The following SBSN variants were observed in gnomAD, a reference collection of about 807,000 sequenced individuals.
The protein encoded by SBSN is HLAR698.
A neutral mutation model predicts 42.8 loss-of-function variants in SBSN; 33 were observed. The observed-to-expected ratio is 0.77, with a 90% CI of 0.58 to 1.03. The LOEUF (loss-of-function observed/expected upper bound fraction) is 1.03. Ranked by LOEUF, SBSN falls within the 50% of genes least tolerant of loss-of-function variation. The probability of loss-of-function intolerance (pLI) is 0.00; values close to 1 mark genes in which losing one functional copy is unlikely to be tolerated. For missense variants in SBSN, 646 were observed against 757.3 expected (o/e 0.85, Z 1.72); for synonymous variants, 276 against 307.0 (o/e 0.90, Z 1.06).
intron 3 of SBSN, among the ~76,000 whole-genome samples, chr19:35,523,961 T>A (rs1212639030): frequency 6.6e-6 from 1 of 152,160 alleles, no homozygotes; most frequent in Non-Finnish European, 1.5e-5. Flanking sequence ...AGGGGATCAC[T>A]TGAGATCAGG....
intron 1 of SBSN, 39 bp downstream of exon 1, chr19:35,526,605 A>ACCCCCCCTCCCCCCCCT: frequency 9.4e-6 from 4 of 427,096 alleles, no homozygotes; most frequent in South Asian, 2.8e-5. Flanking sequence ...CCCTCCCCCA[A>ACCCCCCCTCCCCCCCCT]CCCCCCTGTC....
chr19:35,523,659 T>A, intron 3 of SBSN, 126 bp from the exon 4 acceptor site: 1 of 952,954 alleles, frequency 1.0e-6, no homozygotes, highest in Non-Finnish European at 1.7e-6. Context: ...AGTTATGTTC[T>A]GGGGAAGTTT....
Position 35,526,875 on chromosome 19 carries a change from G to T in SBSN, c.1407C>A (p.Ala469=), listed in dbSNP as rs377330010. The change falls in exon 1 of 4, where the codon GCC becomes GCA. Residue 469 remains alanine, a synonymous_variant. Transcript: ENST00000452271. ...GGACCGCTTTGTCTGCTTCCTTCCC[G>T]GCCTGTTCAAGGGTATGGTGAACTC... The part of the protein sequence containing the change: ...GQGVHHTLEQ[A]GKEADKAVQG... The T allele has an allele frequency of 6.2e-7, 1 of 1,613,184 alleles. No individual in the cohort carries two copies. Among genetic ancestry groups the T allele is most frequent in the South Asian group, 1.1e-5 (1 of 91,020 alleles).
rs2071384500 is a variant in SBSN at position 35,527,139 on chromosome 19, C to T, written c.1143G>A (p.Lys381=). 6.5e-6 allele frequency: 10 copies of T among 1,536,252 alleles called. No individual in the cohort carries two copies. Among genetic ancestry groups the T allele is most frequent in the Non-Finnish European group, 8.7e-6 (10 of 1,146,612 alleles). ...GVHHGVNEAW[K]EAEKFGQGVH... ...CACCCTGGCCAAACTTCTCTGCTTCCTTCCAGGCCTCATTAACCCCATGGT... is the reference window on the plus strand; with the variant it reads ...CACCCTGGCCAAACTTCTCTGCTTCTTTCCAGGCCTCATTAACCCCATGGT... The change falls in exon 1 of 4, where the codon AAG becomes AAA. Residue 381 remains lysine (K), a synonymous_variant. Coordinates refer to ENST00000452271, the MANE Select transcript of SBSN (RefSeq NM_001166034.2).
rs763469833 is a variant in SBSN, at chr19:35,524,844, A to T, written c.1704+15T>A. The T allele has an allele frequency of 2.4e-4, 382 of 1,613,848 alleles. No individual in the cohort carries two copies. The highest frequency in any genetic ancestry group is 2.9e-4 in the Non-Finnish European group (344 of 1,179,946). The stretch of plus-strand genomic sequence containing the variant: ...CCAGGGGCCTCCTCTCCCCTACCCC[A>T]GAGTCCGCGCTTACCCCAGAGGCTA... On this transcript the variant is annotated intron_variant, in intron 2 of 3. Coordinates refer to ENST00000452271, the MANE Select transcript of SBSN (RefSeq NM_001166034.2).
chr19:35,527,893 G>A lies in SBSN; in HGVS notation c.389C>T (p.Ala130Val), dbSNP rs755024452. 6.8e-6 allele frequency: 11 copies of A among 1,613,948 alleles called. No individual in the cohort carries two copies. Among genetic ancestry groups the A allele is most frequent in the African/African-American group, 1.3e-5 (1 of 74,876 alleles). ...NNAAGQVGKE[A>V]DKLIHHGVHH... ...GACCCCATGATGGATCAGTTTGTCTGCCTCCTTCCCAACCTGTCCAGCAGC... is the reference window on the plus strand; with the variant it reads ...GACCCCATGATGGATCAGTTTGTCTACCTCCTTCCCAACCTGTCCAGCAGC... Residue 130 changes from alanine to valine, a missense_variant, in exon 1 of 4, where the codon GCA becomes GTA. By Grantham distance (64) the Ala-to-Val change is moderately conservative. This residue lies in a region of SBSN where 190 missense variants were observed against 197.1 expected (regional missense o/e 0.96). Coordinates refer to ENST00000452271, the MANE Select transcript of SBSN (RefSeq NM_001166034.2).
Position 35,527,801 on chromosome 19 carries a change from C to T in SBSN, c.481G>A (p.Gly161Arg). The T allele has an allele frequency of 6.2e-7, 1 of 1,611,574 alleles. No homozygotes were observed. Among genetic ancestry groups the T allele is most frequent in the Non-Finnish European group, 8.5e-7 (1 of 1,179,774 alleles). ...KFGQGVDNAA[G>R]QAGNEAGRFG... is the part of the protein sequence containing the mutation. ...CTCCCAGCCTCATTTCCAGCCTGCCCTGCAGCATTGTCGACTCCCTGGCCA... is the reference window on the plus strand; with the variant it reads ...CTCCCAGCCTCATTTCCAGCCTGCCTTGCAGCATTGTCGACTCCCTGGCCA... The change falls in exon 1 of 4, where the codon GGG becomes AGG. Residue 161 changes from glycine (G) to arginine (R), a missense_variant. Gly to Arg is a moderately radical substitution (Grantham distance 125). This residue lies in a region of SBSN where 220 missense variants were observed against 334.5 expected (regional missense o/e 0.66). Transcript: ENST00000452271.
Position 35,528,162 on chromosome 19 carries a change from C to A in SBSN, c.120G>T (p.Leu40=). ...TGCCCACCTCTCTCTCTGCATTGCT[C>A]AGCCCTCGGTTGATCCCTTCAATGA... is the stretch of plus-strand genomic sequence containing the variant. The part of the protein sequence containing the change: ...EKVIEGINRG[L]SNAEREVGKA... Residue 40 remains leucine, a synonymous_variant, in exon 1 of 4, where the codon CTG becomes CTT. Coordinates refer to ENST00000452271, the MANE Select transcript of SBSN (RefSeq NM_001166034.2). 6.2e-7 allele frequency: 1 copy of A among 1,614,102 alleles called. No individual in the cohort carries two copies. Among genetic ancestry groups the A allele is most frequent in the South Asian group, 1.1e-5 (1 of 91,082 alleles).
chr19:35,526,541 C>T (rs2071372053), intron 1 of SBSN, 103 bp downstream of exon 1: 2 of 1,097,462 alleles, frequency 1.8e-6, no homozygotes, highest in African/African-American at 1.6e-5. Context: ...TTTCACCAAA[C>T]AAAGGCTACG....
At chr19:35,524,192 TAAAG>T (rs541321210) in intron 3 of SBSN, among the ~76,000 whole-genome samples, 210 of 152,160 alleles carry the variant, frequency 1.4e-3, no homozygotes, top group African/African-American at 4.8e-3. Flanking sequence ...TAAATTAAAA[TAAAG>T]AAAGAGAGTC....
Position 35,523,499 on chromosome 19 carries a change from C to G in SBSN, c.*11G>C. 1.2e-6 allele frequency: 2 copies of G among 1,613,968 alleles called. No individual in the cohort carries two copies. Among genetic ancestry groups the G allele is most frequent in the Non-Finnish European group, 1.7e-6 (2 of 1,179,928 alleles). ...GGCGACATTATTCTCCCAGCAAGGC[C>G]GGATGCCAGTTTAGGGCATGATGTT... On this transcript the variant is annotated 3_prime_UTR_variant, in exon 4 of 4. Transcript: ENST00000452271.
rs774392200 is a variant in SBSN at position 35,526,806 on chromosome 19, C to A, written c.1476G>T (p.Glu492Asp). ...CATGGTTGACCCCTTGGCCAAGTTTCTCTGCTTCCTTCCCAGCCTGGTGGA... is the reference window on the plus strand; with the variant it reads ...CATGGTTGACCCCTTGGCCAAGTTTATCTGCTTCCTTCCCAGCCTGGTGGA... ...TGVHQAGKEA[E>D]KLGQGVNHAA... The change falls in exon 1 of 4, where the codon GAG (glutamate) becomes GAT (aspartate). Residue 492 changes from glutamate to aspartate, a missense_variant. Glu to Asp is a conservative substitution (Grantham distance 45). This residue lies in a region of SBSN where 236 missense variants were observed against 225.6 expected (regional missense o/e 1.05). Coordinates refer to ENST00000452271, the MANE Select transcript of SBSN (RefSeq NM_001166034.2). 61 of 1,613,672 alleles carry A rather than the reference C, an allele frequency of 3.8e-5. No homozygotes were observed. In the Middle Eastern group the frequency reaches 6.6e-4, roughly 17 times the overall value.
At chr19:35,526,233 C>G (rs1225196725) in intron 1 of SBSN, among the ~76,000 whole-genome samples, 1 of 152,202 alleles carries the variant, frequency 6.6e-6, no homozygotes, top group Non-Finnish European at 1.5e-5. Context: ...TCTCCGAAAG[C>G]TATTCCTCAT....
In SBSN at chr19:35,527,014, C is replaced by A; in HGVS notation, c.1268G>T (p.Gly423Val). ...SQAGREAGQF[G>V]HDIHHTAGQA... ...CCCTGCTGTGTGGTGAATGTCGTGG[C>A]CAAACTGCCCCGCCTCCCTTCCAGC... Residue 423 changes from glycine to valine, a missense_variant, in exon 1 of 4, where the codon GGC (glycine) becomes GTC (valine). By Grantham distance (109) the Gly-to-Val change is moderately radical (BLOSUM62 -3). Around this residue, in one of 3 missense-constraint regions of SBSN, gnomAD observed 236 missense variants for 225.6 expected, o/e 1.05. Transcript: ENST00000452271. The A allele has an allele frequency of 6.5e-7, 1 of 1,544,560 alleles. No homozygotes were observed. Among genetic ancestry groups the A allele is most frequent in the Non-Finnish European group, 8.7e-7 (1 of 1,146,950 alleles).
At chr19:35,524,171 C>T (rs540431513) in intron 3 of SBSN, among the ~76,000 whole-genome samples, 1 of 152,340 alleles carries the variant, frequency 6.6e-6, no homozygotes, top group Admixed American at 6.5e-5. Flanking sequence ...TAGAGTGAGA[C>T]TCCGTCTCAA....
Position 35,527,970 on chromosome 19 carries a change from A to T in SBSN, c.312T>A (p.Gly104=). The T allele has an allele frequency of 6.2e-7, 1 of 1,613,870 alleles. No individual in the cohort carries two copies. The highest frequency in any genetic ancestry group is 1.3e-5 in the African/African-American group (1 of 74,938). The part of the protein sequence containing the change: ...MDKVAHEINH[G]IGQAGKEAEK... ...CTGCTTCCTTTCCTGCTTGTCCAAT[A>T]CCATGGTTGATCTCATGGGCAACCT... The change falls in exon 1 of 4, where the codon GGT becomes GGA. Residue 104 remains glycine, a synonymous_variant. Transcript: ENST00000452271.
In SBSN at chr19:35,527,026, G is replaced by GC. The variant is rs921878790; in HGVS notation, c.1255dup (p.Ala419GlyfsTer49). On this transcript the variant is annotated frameshift_variant, in exon 1 of 4. Transcript: ENST00000452271. LOFTEE classifies it high-confidence loss of function. Reference sequence around the variant, plus strand: ...GTGAATGTCGTGGCCAAACTGCCCCGCCTCCCTTCCAGCCTGACTAACGCC... The same window carrying GC: ...GTGAATGTCGTGGCCAAACTGCCCCGCCCTCCCTTCCAGCCTGACTAACGCC... 14 of 1,541,838 alleles carry GC rather than the reference G, an allele frequency of 9.1e-6. No individual in the cohort carries two copies. Among genetic ancestry groups the GC allele is most frequent in the Non-Finnish European group, 1.2e-5 (14 of 1,146,906 alleles).
In SBSN at chr19:35,524,725, G is replaced by A; in HGVS notation, c.1735C>T (p.Pro579Ser). Reference sequence around the variant, plus strand: ...GGGGCACTCACCCTCCACAGGGCGGGAAGGTTGATGAAAGGCGTGTTGACC... The same window carrying A: ...GGGGCACTCACCCTCCACAGGGCGGAAAGGTTGATGAAAGGCGTGTTGACC... ...ASVNTPFINL[P>S]ALWRSVANIM... The change falls in exon 3 of 4, where the codon CCC becomes TCC. Residue 579 changes from proline (P) to serine (S), a missense_variant. Pro to Ser is a moderately conservative substitution (Grantham distance 74). Transcript: ENST00000452271. 1 of 1,614,066 alleles carries A rather than the reference G, an allele frequency of 6.2e-7. No individual in the cohort carries two copies. Among genetic ancestry groups the A allele is most frequent in the South Asian group, 1.1e-5 (1 of 91,086 alleles).
chr19:35,523,846 C>G (rs1466027499), intron 3 of SBSN, among the ~76,000 whole-genome samples: 1 of 152,174 alleles, frequency 6.6e-6, no homozygotes. Flanking sequence ...ACACCCTCAC[C>G]CTGGCCTGCA....
Sources: gnomAD v4.1 joint callset for allele counts (sites outside exome capture counted in the v4.1 genomes callset) on GRCh38, gnomAD v4.1.1 for gene constraint, gnomAD v4.1.1 regional missense constraint, MANE v1.5 for transcripts, NCBI Gene and HGNC (gene_info 2026-07-23, HGNC 2026-07-21) for gene names.